NALF1: variants seen among roughly 807,000 people sequenced by gnomAD.
The protein encoded by NALF1 is NALCN channel auxiliary factor 1.
NALF1 carries 3 observed loss-of-function variants against 48.4 expected under a neutral mutation model. The observed-to-expected ratio is 0.06, with a 90% CI of 0.03 to 0.16. NALF1 has a LOEUF of 0.16. Ranked by LOEUF, NALF1 falls within the 10% of genes least tolerant of loss-of-function variation. NALF1 has a pLI of 1.00. For missense variants in NALF1, 526 were observed against 571.5 expected (o/e 0.92, Z 0.81); for synonymous variants, 262 against 245.7 (o/e 1.07, Z -0.62).
At chr13:107,771,075 G>A (rs140828585) in intron 1 of NALF1, among the ~76,000 whole-genome samples, 175 of 152,126 alleles carry the variant, frequency 1.2e-3, no homozygotes, top group Middle Eastern at 0.01. Context: ...GTCAAATATC[G>A]ATTTATCTAT....
chr13:107,628,966 A>G (rs1240731596), intron 1 of NALF1, among the ~76,000 whole-genome samples: 2 of 152,114 alleles, frequency 1.3e-5, no homozygotes, highest in African/African-American at 4.8e-5. Flanking sequence ...TGTTATTATA[A>G]CTAACAGTGT....
intron 1 of NALF1, among the ~76,000 whole-genome samples, chr13:107,678,233 G>C (rs1182439956): frequency 1.3e-5 from 2 of 152,146 alleles, no homozygotes; most frequent in Non-Finnish European, 2.9e-5. Context: ...CAGACAGGAG[G>C]ACATGGTGAA....
chr13:107,413,233 T>C (rs1190918949), intron 1 of NALF1, among the ~76,000 whole-genome samples: 1 of 152,168 alleles, frequency 6.6e-6, no homozygotes, highest in Non-Finnish European at 1.5e-5. Flanking sequence ...TATGTACTAA[T>C]ATAATATTTT....
At chr13:107,458,453 G>A (rs1884862188) in intron 1 of NALF1, among the ~76,000 whole-genome samples, 1 of 152,154 alleles carries the variant, frequency 6.6e-6, no homozygotes, top group Non-Finnish European at 1.5e-5. Context: ...CACTGTCGCC[G>A]GCAATACAGG....
chr13:107,443,179 T>C, intron 1 of NALF1, among the ~76,000 whole-genome samples: 1 of 139,446 alleles, frequency 7.2e-6, no homozygotes, highest in African/African-American at 3.3e-5. Flanking sequence ...AATCTATCTA[T>C]CTATCTATCT....
intron 1 of NALF1, among the ~76,000 whole-genome samples, chr13:107,233,762 A>C (rs1880278898): frequency 6.6e-6 from 1 of 152,238 alleles, no homozygotes; most frequent in African/African-American, 2.4e-5. Context: ...CAGTGCCTGA[A>C]CAACTACATT....
At chr13:107,817,813 C>T (rs919546203) in intron 1 of NALF1, among the ~76,000 whole-genome samples, 1 of 151,686 alleles carries the variant, frequency 6.6e-6, no homozygotes, top group African/African-American at 2.4e-5. Flanking sequence ...GAGTCCTAAA[C>T]CTCCTCAGCA....
chr13:107,469,699 T>A (rs112050407), intron 1 of NALF1, among the ~76,000 whole-genome samples: 3 of 151,090 alleles, frequency 2.0e-5, no homozygotes, highest in African/African-American at 7.3e-5. Flanking sequence ...TCTGTGGATG[T>A]AGAACCCGTA....
intron 1 of NALF1, among the ~76,000 whole-genome samples, chr13:107,273,747 G>T (rs770166864): frequency 1.3e-5 from 2 of 152,172 alleles, no homozygotes; most frequent in African/African-American, 4.8e-5. Flanking sequence ...TGAAATAACG[G>T]CTCTTTTTGC....
chr13:107,819,915 G>C (rs1879315315), intron 1 of NALF1, among the ~76,000 whole-genome samples: 1 of 152,096 alleles, frequency 6.6e-6, no homozygotes, highest in African/African-American at 2.4e-5. Context: ...TGCTCATAAA[G>C]TTGTCTAAAT....
intron 1 of NALF1, among the ~76,000 whole-genome samples, chr13:107,257,147 A>C (rs997222063): frequency 1.3e-5 from 2 of 151,880 alleles, no homozygotes; most frequent in African/African-American, 4.8e-5. Context: ...ATGAGAACTT[A>C]CTCCCTGTCA....
chr13:107,739,313 C>T (rs1215391990), intron 1 of NALF1, among the ~76,000 whole-genome samples: 1 of 150,572 alleles, frequency 6.6e-6, no homozygotes, highest in Non-Finnish European at 1.5e-5. Flanking sequence ...CATCCCACAA[C>T]TTAAAGCAAA....
At chr13:107,312,680 G>A (rs559661926) in intron 1 of NALF1, among the ~76,000 whole-genome samples, 58 of 152,232 alleles carry the variant, frequency 3.8e-4, no homozygotes, top group African/African-American at 1.2e-3. Flanking sequence ...CATCTTTTAC[G>A]AAATTAAGAG....
At chr13:107,369,116 G>A (rs9587364) in intron 1 of NALF1, among the ~76,000 whole-genome samples, 70 of 152,018 alleles carry the variant, frequency 4.6e-4, no homozygotes, top group African/African-American at 1.4e-3. Flanking sequence ...ACTTTTCTTC[G>A]GAATTTCCAT....
At position 107,242,101 on chromosome 13, in the gene NALF1, A is replaced by T. The variant is rs556056873; in HGVS notation, c.916-31346T>A. 4.6e-4 allele frequency among the ~76,000 whole-genome samples: 70 copies of T among 152,298 alleles called. 1 individual carries two copies. The South Asian group carries it at 0.014, about 30-fold the overall frequency. On this transcript the variant is annotated intron_variant, in intron 1 of 2. Transcript: ENST00000375915. ...TTATTCACTGCCCTCTACTTTTTAA[A>T]TTGGTTTAAATTGGCCTGGATAACC...
Position 107,240,983 on chromosome 13 carries a change from G to A in NALF1, c.916-30228C>T, listed in dbSNP as rs147439491. Among the ~76,000 whole-genome samples, 659 of 148,798 alleles carry A rather than the reference G, an allele frequency of 4.4e-3. 7 individuals are homozygous for A. Among genetic ancestry groups the A allele is most frequent in the African/African-American group, 0.016 (629 of 40,402 alleles). Reference sequence around the variant, plus strand: ...TGATATTTCACTTTGGGAGGCTGAAGTGGGCAGATCACCTGAGGTCAGGAG... The same window carrying A: ...TGATATTTCACTTTGGGAGGCTGAAATGGGCAGATCACCTGAGGTCAGGAG... On this transcript the variant is annotated intron_variant, in intron 1 of 2. Transcript: ENST00000375915.
chr13:107,580,118 TA>T (rs1361321982), intron 1 of NALF1, among the ~76,000 whole-genome samples: 4 of 152,016 alleles, frequency 2.6e-5, no homozygotes, highest in African/African-American at 9.7e-5. Flanking sequence ...TATGCAGCCA[TA>T]AAAAATGATG....
intron 1 of NALF1, among the ~76,000 whole-genome samples, chr13:107,343,658 T>C (rs1442740408): frequency 6.6e-6 from 1 of 152,092 alleles, no homozygotes; most frequent in Non-Finnish European, 1.5e-5. Flanking sequence ...AATGGACTAA[T>C]AAAGAAATTA....
intron 1 of NALF1, among the ~76,000 whole-genome samples, chr13:107,837,754 G>A (rs1041934966): frequency 3.9e-5 from 6 of 152,100 alleles, no homozygotes; most frequent in African/African-American, 1.4e-4. Context: ...AGCCACCCGG[G>A]TGTGAGAAAA....
Sources: gnomAD v4.1 joint callset for allele counts (sites outside exome capture counted in the v4.1 genomes callset) on GRCh38, gnomAD v4.1.1 for gene constraint, MANE v1.5 for transcripts, NCBI Gene and HGNC (gene_info 2026-07-23, HGNC 2026-07-21) for gene names.